The following CLIC5 variants were observed in gnomAD, a reference collection of about 807,000 sequenced individuals.
The protein encoded by CLIC5 is CLIC family member 5.
CLIC5 carries 20 observed loss-of-function variants against 24.7 expected under a neutral mutation model. That is an observed-to-expected ratio of 0.81 (90% CI 0.57 to 1.18). The LOEUF is 1.18. Ranked by LOEUF, CLIC5 falls within the 50% of genes most tolerant of loss-of-function variation. CLIC5 has a pLI of 0.00. For missense variants in CLIC5, 341 were observed against 326.1 expected (o/e 1.05, Z -0.35); for synonymous variants, 159 against 135.6 (o/e 1.17, Z -1.20).
At chr6:46,108,803 T>A in the CLIC5 span, among the ~76,000 whole-genome samples, 34 of 152,344 alleles carry the variant, frequency 2.2e-4, no homozygotes, top group African/African-American at 7.9e-4. Context: ...AATGAATGTT[T>A]TTTTTCAGTG....
intron 4 of CLIC5, among the ~76,000 whole-genome samples, chr6:45,922,823 A>AGAG (rs1763318438): frequency 3.6e-5 from 5 of 140,614 alleles, no homozygotes; most frequent in African/African-American, 1.4e-4. Flanking sequence ...GAGAGAGAGA[A>AGAG]AGAGAGAGAG....
intron 1 of CLIC5, among the ~76,000 whole-genome samples, chr6:45,983,091 G>A (rs1765619111): frequency 6.6e-6 from 1 of 152,200 alleles, no homozygotes; most frequent in Admixed American, 6.5e-5. Flanking sequence ...AACAAAGGAG[G>A]TGGGCTTCCT....
intron 6 of CLIC5, among the ~76,000 whole-genome samples, chr6:45,893,054 C>T (rs1465485010): frequency 2.6e-5 from 4 of 152,164 alleles, no homozygotes; most frequent in African/African-American, 4.8e-5. Context: ...CACACGATAG[C>T]TTTTGGGCTC....
Position 45,951,603 on chromosome 6 carries a change from T to C in CLIC5, c.174-2222A>G, listed in dbSNP as rs150816339. Among the ~76,000 whole-genome samples, 1,165 of 151,868 alleles carry C rather than the reference T, an allele frequency of 7.7e-3. 19 individuals carry two copies. Among genetic ancestry groups the C allele is most frequent in the Admixed American group, 0.028 (421 of 15,262 alleles). On this transcript the variant is annotated intron_variant, in intron 2 of 5. Coordinates refer to ENST00000339561, the MANE Select transcript of CLIC5 (RefSeq NM_016929.5). ...ATGAGGGGGAAGAAGGTTTGGCAGA[T>C]TGGGGAAAATGGGAAAGGGGAGGGT... is the stretch of plus-strand genomic sequence containing the variant.
At chr6:46,073,721 G>C (rs890909970) in intron 1 of CLIC5, among the ~76,000 whole-genome samples, 4 of 152,190 alleles carry the variant, frequency 2.6e-5, no homozygotes, top group South Asian at 2.1e-4. Flanking sequence ...TTCGTCATCT[G>C]CTCTTCACCT....
the CLIC5 span, among the ~76,000 whole-genome samples, chr6:46,128,830 C>T: frequency 9.2e-5 from 14 of 152,126 alleles, no homozygotes; most frequent in African/African-American, 3.1e-4. Flanking sequence ...AATGCACAGG[C>T]CAACCTGAGA....
At chr6:46,048,255 G>A (rs897297860) in intron 1 of CLIC5, among the ~76,000 whole-genome samples, 6 of 152,050 alleles carry the variant, frequency 3.9e-5, no homozygotes, top group African/African-American at 1.2e-4. Flanking sequence ...CACCCACCTG[G>A]GCCTCCCAAA....
chr6:46,062,154 A>C (rs1450256747), intron 1 of CLIC5, among the ~76,000 whole-genome samples: 1 of 152,232 alleles, frequency 6.6e-6, no homozygotes, highest in Non-Finnish European at 1.5e-5. Flanking sequence ...TACCATTTTG[A>C]ATAGTGCAGT....
At chr6:46,107,931 G>A in the CLIC5 span, among the ~76,000 whole-genome samples, 1 of 151,804 alleles carries the variant, frequency 6.6e-6, no homozygotes, top group Admixed American at 6.6e-5. Context: ...GCCACTCGGA[G>A]GCTGAGGCAG....
At chr6:45,967,428 C>T (rs1422106707) in intron 1 of CLIC5, among the ~76,000 whole-genome samples, 1 of 152,160 alleles carries the variant, frequency 6.6e-6, no homozygotes, top group Non-Finnish European at 1.5e-5. Flanking sequence ...GGAAGGAGCC[C>T]ACCTAAGGGT....
intron 1 of CLIC5, among the ~76,000 whole-genome samples, chr6:46,028,668 A>G (rs1767411075): frequency 6.6e-6 from 1 of 152,116 alleles, no homozygotes; most frequent in South Asian, 2.1e-4. Flanking sequence ...TAACAGTTTT[A>G]GTTCACAGCA....
chr6:46,108,799 TG>T, the CLIC5 span, among the ~76,000 whole-genome samples: 17 of 152,310 alleles, frequency 1.1e-4, no homozygotes, highest in Non-Finnish European at 1.8e-4. Context: ...ATTGAATGAA[TG>T]TTTTTTTTCA....
chr6:45,951,539 C>T lies in CLIC5; in HGVS notation c.174-2158G>A, dbSNP rs114749963. On this transcript the variant is annotated intron_variant, in intron 2 of 5. Transcript: ENST00000339561. ...ATCCAGGAGTGTGCTTCTGTGTCTG[C>T]GCCAGCTGGTCAGAATGCAAGAGCA... 2.7e-3 allele frequency among the ~76,000 whole-genome samples: 412 copies of T among 152,020 alleles called. 4 individuals are homozygous for T. Among genetic ancestry groups the T allele is most frequent in the African/African-American group, 9.0e-3 (374 of 41,438 alleles).
chr6:45,931,619 G>GT (rs768524519), intron 4 of CLIC5, among the ~76,000 whole-genome samples: 1 of 152,156 alleles, frequency 6.6e-6, no homozygotes, highest in Non-Finnish European at 1.5e-5. Flanking sequence ...AAAACACTTT[G>GT]TTTAAGTGAT....
At chr6:46,015,110 G>A (rs1238095635) in intron 1 of CLIC5, among the ~76,000 whole-genome samples, 1 of 152,196 alleles carries the variant, frequency 6.6e-6, no homozygotes, top group Non-Finnish European at 1.5e-5. Flanking sequence ...CGTTTTAAAG[G>A]AAAGGTTCAC....
chr6:46,046,013 T>C (rs1767943131), intron 1 of CLIC5, among the ~76,000 whole-genome samples: 1 of 152,162 alleles, frequency 6.6e-6, no homozygotes, highest in South Asian at 2.1e-4. Context: ...CTTTGGGGCA[T>C]GGGATTGGGG....
intron 3 of CLIC5, among the ~76,000 whole-genome samples, chr6:45,948,299 T>C (rs1287801079): frequency 6.6e-6 from 1 of 152,210 alleles, no homozygotes; most frequent in African/African-American, 2.4e-5. Flanking sequence ...TCCCCCGATT[T>C]TCCTGCCCTG....
chr6:45,928,227 T>G (rs1763577935), intron 4 of CLIC5, among the ~76,000 whole-genome samples: 1 of 152,216 alleles, frequency 6.6e-6, no homozygotes, highest in Non-Finnish European at 1.5e-5. Flanking sequence ...ATTTAATCCC[T>G]GGTTTTAGTT....
intron 1 of CLIC5, among the ~76,000 whole-genome samples, chr6:46,026,350 G>A (rs1767331857): frequency 6.6e-6 from 1 of 152,090 alleles, no homozygotes; most frequent in Non-Finnish European, 1.5e-5. Flanking sequence ...CTCCAATTTA[G>A]AATCTCAAAG....
Sources: gnomAD v4.1 joint callset for allele counts (sites outside exome capture counted in the v4.1 genomes callset) on GRCh38, gnomAD v4.1.1 for gene constraint, MANE v1.5 for transcripts, NCBI Gene and HGNC (gene_info 2026-07-23, HGNC 2026-07-21) for gene names.